COG5: variants seen among roughly 807,000 people sequenced by gnomAD.
The protein encoded by COG5 is conserved oligomeric Golgi complex subunit 5.
A neutral mutation model predicts 110.4 loss-of-function variants in COG5; 86 were observed. The ratio of observed to expected loss-of-function variants is 0.78; its 90% confidence interval spans 0.65 to 0.93. The LOEUF is 0.93. Ranked by LOEUF, COG5 falls within the 40% of genes least tolerant of loss-of-function variation. The pLI is 0.00. For missense variants in COG5, 1,077 were observed against 987.0 expected (o/e 1.09, Z -1.22); for synonymous variants, 360 against 334.6 (o/e 1.08, Z -0.83).
chr7:107,347,138 CA>C (rs999829435), intron 10 of COG5, among the ~76,000 whole-genome samples: 1 of 152,114 alleles, frequency 6.6e-6, no homozygotes, highest in African/African-American at 2.4e-5. Context: ...TTGATTCACT[CA>C]AACAACTAAA....
intron 10 of COG5, among the ~76,000 whole-genome samples, chr7:107,347,374 G>T (rs1484356865): frequency 1.3e-5 from 2 of 152,150 alleles, no homozygotes; most frequent in East Asian, 3.9e-4. Flanking sequence ...CAGTATAAAA[G>T]TTAGACACAA....
intron 7 of COG5, among the ~76,000 whole-genome samples, chr7:107,380,210 G>C (rs999930012): frequency 2.6e-5 from 4 of 152,018 alleles, no homozygotes; most frequent in African/African-American, 9.7e-5. Flanking sequence ...AGGAGAAAGA[G>C]AGAAAGATCT....
At chr7:107,420,432 A>T (rs932633369) in intron 6 of COG5, among the ~76,000 whole-genome samples, 2 of 152,190 alleles carry the variant, frequency 1.3e-5, no homozygotes, top group Non-Finnish European at 2.9e-5. Flanking sequence ...TAAGGAGTTC[A>T]GGTATTACAG....
intron 5 of COG5, among the ~76,000 whole-genome samples, chr7:107,537,449 T>G (rs972034392): frequency 3.3e-5 from 5 of 152,110 alleles, no homozygotes; most frequent in Admixed American, 1.3e-4. Context: ...GGGACAAAGA[T>G]GAAGCTGGAA....
intron 21 of COG5, chr7:107,209,279 T>G: frequency 6.2e-6 from 6 of 975,560 alleles, no homozygotes; most frequent in Non-Finnish European, 7.3e-6. Context: ...GACAGAGGAG[T>G]TGAATGATGA....
Position 107,208,903 on chromosome 7 carries a change from A to G in COG5, c.2375+1623T>C, listed in dbSNP as rs143583438. The G allele has an allele frequency of 6.1e-6, 6 of 985,432 alleles. No individual in the cohort carries two copies. The African/African-American group carries it at 1.0e-4, about 17-fold the overall frequency. The allele number at this position is 985,432 out of a possible 1,614,324, so 61.0% of individuals were successfully genotyped here. A position where few individuals can be genotyped will look rare whatever the true frequency, so the allele number is the denominator to read the frequency against. On this transcript the variant is annotated intron_variant, in intron 21 of 21. Coordinates refer to ENST00000297135, the MANE Select transcript of COG5 (RefSeq NM_006348.5). ...AGCAGTCTTTCATCCTAACTGAAATATGACCCACTATGGCAGGGGTTCACG... is the reference window on the plus strand; with the variant it reads ...AGCAGTCTTTCATCCTAACTGAAATGTGACCCACTATGGCAGGGGTTCACG...
At chr7:107,225,302 T>A (rs913018487) in intron 19 of COG5, among the ~76,000 whole-genome samples, 21 of 152,284 alleles carry the variant, frequency 1.4e-4, no homozygotes, top group African/African-American at 4.8e-4. Context: ...TTTTTATTAC[T>A]TTTTAGCTCC....
chr7:107,429,677 A>C (rs1793882265), intron 6 of COG5, among the ~76,000 whole-genome samples: 1 of 152,130 alleles, frequency 6.6e-6, no homozygotes, highest in Admixed American at 6.5e-5. Flanking sequence ...ACATGTTGTG[A>C]GAGGGACCTG....
chr7:107,541,989 C>G (rs2712190), intron 5 of COG5, among the ~76,000 whole-genome samples: 151,406 of 151,844 alleles, frequency 1, 75,487 homozygotes, highest in Middle Eastern at 1. Flanking sequence ...CAGCAGATTA[C>G]ATACTTAATT....
At chr7:107,219,682 G>C (rs1377240421) in intron 19 of COG5, among the ~76,000 whole-genome samples, 2 of 152,134 alleles carry the variant, frequency 1.3e-5, no homozygotes, top group East Asian at 3.9e-4. Context: ...AGGCTAAGGG[G>C]GGAGGAAATG....
intron 6 of COG5, among the ~76,000 whole-genome samples, chr7:107,477,281 T>A (rs530101932): frequency 4.0e-5 from 6 of 151,710 alleles, no homozygotes; most frequent in Admixed American, 2.0e-4. Flanking sequence ...CTCCCAAGCA[T>A]AAATTAAAAT....
rs553861218 is a variant in COG5 at position 107,555,931 on chromosome 7, T to C, written c.235-1589A>G. Among the ~76,000 whole-genome samples, 13 of 152,026 alleles carry C rather than the reference T, an allele frequency of 8.6e-5. No individual in the cohort carries two copies. In the South Asian group the frequency reaches 2.5e-3, roughly 29 times the overall value. On this transcript the variant is annotated intron_variant, in intron 2 of 21. Transcript: ENST00000297135. The stretch of plus-strand genomic sequence containing the variant: ...CAGGAGGCTGAGGCACAAGAATCAT[T>C]TGAACCCGGGAGGCAGAGGTTGCAG...
At chr7:107,362,988 AAGAAATACTGAACTTT>A (rs1440733776) in intron 8 of COG5, among the ~76,000 whole-genome samples, 8 of 151,346 alleles carry the variant, frequency 5.3e-5, no homozygotes, top group African/African-American at 1.7e-4. Context: ...AAAAATTACA[AAGAAATACTGAACTTT>A]ATTAAATAGA....
chr7:107,399,861 G>A (rs1161202237), intron 7 of COG5, among the ~76,000 whole-genome samples: 1 of 152,072 alleles, frequency 6.6e-6, no homozygotes, highest in Non-Finnish European at 1.5e-5. Flanking sequence ...AAAAGTACGA[G>A]AACCTCCTAC....
chr7:107,230,803 A>G (rs1800723835), intron 18 of COG5, 112 bp from the exon 19 acceptor site: 1 of 814,312 alleles, frequency 1.2e-6, no homozygotes, highest in Admixed American at 1.8e-5. Flanking sequence ...TTTTATCTGG[A>G]CTGTAAGGCA....
chr7:107,444,088 G>A (rs887837301), intron 6 of COG5, among the ~76,000 whole-genome samples: 8 of 152,156 alleles, frequency 5.3e-5, no homozygotes, highest in African/African-American at 1.2e-4. Flanking sequence ...GAGTAAATAT[G>A]TGTAGAAAAC....
chr7:107,462,622 A>AAC (rs1460055174), intron 6 of COG5, among the ~76,000 whole-genome samples: 1 of 151,846 alleles, frequency 6.6e-6, no homozygotes, highest in Non-Finnish European at 1.5e-5. Flanking sequence ...AAAAAAAAAA[A>AAC]AAAAAAAACT....
chr7:107,257,820 T>C (rs991257354), intron 15 of COG5, among the ~76,000 whole-genome samples: 1 of 152,178 alleles, frequency 6.6e-6, no homozygotes, highest in East Asian at 1.9e-4. Flanking sequence ...AGTGATTATA[T>C]CATAAAAATT....
chr7:107,260,042 G>C (rs189137414), intron 14 of COG5, among the ~76,000 whole-genome samples: 22 of 141,500 alleles, frequency 1.6e-4, no homozygotes, highest in African/African-American at 5.0e-4. Flanking sequence ...TAGATACAGA[G>C]TGACCATGTG....
Sources: allele counts gnomAD v4.1 joint callset (sites outside exome capture counted in the v4.1 genomes callset), GRCh38; gene constraint gnomAD v4.1.1; transcripts MANE v1.5; gene names NCBI Gene and HGNC (gene_info 2026-07-23, HGNC 2026-07-21).